RIN3: variants seen among roughly 807,000 people sequenced by gnomAD.
RIN3 encodes the protein RAB5 interacting protein 3.
In RIN3, 54 loss-of-function variants were observed where a neutral mutation model predicts 76.3. The ratio of observed to expected loss-of-function variants is 0.71; its 90% CI spans 0.57 to 0.89. RIN3 has a LOEUF of 0.89. Ranked by LOEUF, RIN3 falls within the 40% of genes least tolerant of loss-of-function variation. RIN3 has a pLI of 0.00. For missense variants in RIN3, 1,256 were observed against 1,322.1 expected (o/e 0.95, Z 0.78); for synonymous variants, 576 against 564.0 (o/e 1.02, Z -0.30).
At chr14:92,576,853 G>GA (rs961231722) in intron 2 of RIN3, among the ~76,000 whole-genome samples, 7 of 151,966 alleles carry the variant, frequency 4.6e-5, no homozygotes, top group African/African-American at 7.3e-5. Flanking sequence ...TTTTTCAGGG[G>GA]AAAAAATGGT....
intron 4 of RIN3, among the ~76,000 whole-genome samples, chr14:92,622,641 G>T (rs1295787204): frequency 2.0e-5 from 3 of 152,218 alleles, no homozygotes; most frequent in African/African-American, 4.8e-5. Context: ...GTGGGCTGGG[G>T]TCAGACCGCA....
Position 92,659,484 on chromosome 14 carries a change from G to A in RIN3, c.2335+15G>A, listed in dbSNP as rs369674830. 1.7e-4 allele frequency: 261 copies of A among 1,581,148 alleles called. No homozygotes were observed. In the South Asian group the frequency reaches 2.3e-3, roughly 14 times the overall value. Reference sequence around the variant, plus strand: ...CGGCAACCCAGGTCAGTGGGCAGCCGGGAGGGGTCTGGGTGAGGAGCTCTC... The same window carrying A: ...CGGCAACCCAGGTCAGTGGGCAGCCAGGAGGGGTCTGGGTGAGGAGCTCTC... On this transcript the variant is annotated intron_variant, in intron 7 of 9. Transcript: ENST00000216487.
chr14:92,651,514 C>G (rs899480636), intron 5 of RIN3, 68 bp from the exon 6 acceptor site: 4 of 1,152,072 alleles, frequency 3.5e-6, no homozygotes, highest in Non-Finnish European at 4.9e-6. Context: ...GCCCACAGAC[C>G]CCGCCCAGCA....
At chr14:92,664,239 T>A (rs1887989681) in intron 7 of RIN3, among the ~76,000 whole-genome samples, 1 of 152,190 alleles carries the variant, frequency 6.6e-6, no homozygotes, top group African/African-American at 2.4e-5. Flanking sequence ...TCTATTTTTT[T>A]AACATTTCAT....
At chr14:92,653,793 G>A (rs1375162583) in intron 6 of RIN3, among the ~76,000 whole-genome samples, 1 of 152,234 alleles carries the variant, frequency 6.6e-6, no homozygotes, top group Non-Finnish European at 1.5e-5. Context: ...CAAGGCAGGA[G>A]GATCGCTTGA....
Position 92,652,663 on chromosome 14 carries a change from G to T in RIN3, c.1614G>T (p.Leu538Phe), listed in dbSNP as rs1049791368. Residue 538 changes from leucine (L) to phenylalanine (F), a missense_variant, in exon 6 of 10, where the codon TTG (leucine) becomes TTT (phenylalanine). Coordinates refer to ENST00000216487, the MANE Select transcript of RIN3 (RefSeq NM_024832.5). The surrounding 1 kb of genome is among the most constrained non-coding windows in gnomAD (Gnocchi z 6.4). The stretch of plus-strand genomic sequence containing the variant: ...CCCTGGCCTCCCTCTCAGACAGCTT[G>T]GGGGTGTCTGTCATGGCCACCGACC... ...KGSLASLSDS[L>F]GVSVMATDQD... 8.1e-6 allele frequency: 13 copies of T among 1,612,282 alleles called. No homozygotes were observed. The highest frequency in any genetic ancestry group is 1.1e-5 in the Non-Finnish European group (13 of 1,179,998).
In RIN3 at chr14:92,648,951, T is replaced by TG. The variant is rs1327466701; in HGVS notation, c.533-2630dup. ...TGAGGGAATAGCATTAGCCAAGACC[T>TG]GCTGGTGGGGCAGCGCATGGCACGT... On this transcript the variant is annotated intron_variant, in intron 5 of 9. Coordinates refer to ENST00000216487, the MANE Select transcript of RIN3 (RefSeq NM_024832.5). This position sits in a 1 kb window ranked among gnomAD's most constrained non-coding sequence, Gnocchi z 4.1. Among the ~76,000 whole-genome samples, 3 of 152,164 alleles carry TG rather than the reference T, an allele frequency of 2.0e-5. No homozygotes were observed. The East Asian group carries it at 5.8e-4, about 29-fold the overall frequency.
intron 6 of RIN3, among the ~76,000 whole-genome samples, chr14:92,654,900 G>A (rs1255435448): frequency 6.6e-6 from 1 of 152,204 alleles, no homozygotes. Flanking sequence ...GCCGGGTGCA[G>A]TGGCTCATGC....
At chr14:92,536,742 GA>G (rs66654234) in intron 1 of RIN3, among the ~76,000 whole-genome samples, 93,725 of 128,060 alleles carry the variant, frequency 0.73, 32,799 homozygotes, top group Admixed American at 0.76. Context: ...CTCCGTCTCA[GA>G]AAAAAAAAAA....
intron 4 of RIN3, among the ~76,000 whole-genome samples, chr14:92,637,204 C>A (rs950636375): frequency 1.3e-5 from 2 of 151,808 alleles, no homozygotes; most frequent in Non-Finnish European, 2.9e-5. Context: ...CCAATGGGAG[C>A]CCTGAGCTTG....
chr14:92,572,381 C>T (rs1024624350), intron 2 of RIN3, among the ~76,000 whole-genome samples: 1 of 152,250 alleles, frequency 6.6e-6, no homozygotes, highest in African/African-American at 2.4e-5. Context: ...AGTGCTCATG[C>T]TTGAGCCCAC....
In RIN3 at chr14:92,588,214, C is replaced by CTTTT. The variant is rs141155255; in HGVS notation, c.367+10764_367+10767dup. 2.9e-3 allele frequency among the ~76,000 whole-genome samples: 169 copies of CTTTT among 58,830 alleles called. 11 individuals are homozygous for CTTTT. Among genetic ancestry groups the CTTTT allele is most frequent in the Non-Finnish European group, 4.3e-3 (139 of 32,556 alleles). 38.6% of individuals were successfully genotyped at this position (58,830 alleles called of 152,430 possible). A position where few individuals can be genotyped will look rare whatever the true frequency, so the allele number is the denominator to read the frequency against. On this transcript the variant is annotated intron_variant, in intron 3 of 9. Coordinates refer to ENST00000216487, the MANE Select transcript of RIN3 (RefSeq NM_024832.5). ...GGGGACCCATTCAAGCCATAGCACT[C>CTTTT]TTTTTTTTTTTTTTTTTTTTTTTTT... is the stretch of plus-strand genomic sequence containing the variant.
At chr14:92,531,250 T>A (rs1896872214) in intron 1 of RIN3, among the ~76,000 whole-genome samples, 1 of 152,136 alleles carries the variant, frequency 6.6e-6, no homozygotes. Context: ...CCAAACCCTG[T>A]CATAGATGGA....
intron 2 of RIN3, among the ~76,000 whole-genome samples, chr14:92,573,183 A>G (rs1898113962): frequency 6.6e-6 from 1 of 152,042 alleles, no homozygotes; most frequent in African/African-American, 2.4e-5. Flanking sequence ...TGCCCGGCCA[A>G]AAGGGTGACT....
At chr14:92,615,069 C>A (rs962795712) in intron 3 of RIN3, among the ~76,000 whole-genome samples, 2 of 151,956 alleles carry the variant, frequency 1.3e-5, no homozygotes, top group Admixed American at 1.3e-4. Flanking sequence ...TCTTGAACTC[C>A]TGACCTTGTG....
At chr14:92,550,476 C>A (rs1200770071) in intron 1 of RIN3, among the ~76,000 whole-genome samples, 1 of 152,166 alleles carries the variant, frequency 6.6e-6, no homozygotes, top group Non-Finnish European at 1.5e-5. Context: ...TGCAATGAGG[C>A]GATCTCAGCT....
At chr14:92,545,522 C>A (rs990532271) in intron 1 of RIN3, among the ~76,000 whole-genome samples, 1 of 149,514 alleles carries the variant, frequency 6.7e-6, no homozygotes, top group African/African-American at 2.5e-5. Flanking sequence ...AACATTTTGT[C>A]ACATTTGCTC....
intron 4 of RIN3, among the ~76,000 whole-genome samples, chr14:92,634,355 C>A (rs1158093075): frequency 6.6e-6 from 1 of 152,036 alleles, no homozygotes; most frequent in Non-Finnish European, 1.5e-5. Context: ...GCTGAGATTA[C>A]AGGCATGAGC....
At chr14:92,673,522 T>TC (rs1491086161) in intron 7 of RIN3, among the ~76,000 whole-genome samples, 1 of 152,144 alleles carries the variant, frequency 6.6e-6, no homozygotes, top group Admixed American at 6.5e-5. Flanking sequence ...TTTTTTTTTT[T>TC]TGAGACAGAG....
Sources: allele counts gnomAD v4.1 joint callset (sites outside exome capture counted in the v4.1 genomes callset), GRCh38; gene constraint gnomAD v4.1.1; non-coding constraint Gnocchi (gnomAD v3.1); transcripts MANE v1.5; gene names NCBI Gene and HGNC (gene_info 2026-07-23, HGNC 2026-07-21).